Variants in TENM2 observed in about 807,000 individuals in gnomAD.
TENM2 encodes teneurin transmembrane protein 2.
In TENM2, 52 loss-of-function variants were observed where a neutral mutation model predicts 245.2. The observed-to-expected ratio is 0.21, with a 90% CI of 0.17 to 0.27. The LOEUF is 0.27. Among genes scored for constraint, TENM2 ranks in the 10% least tolerant of loss-of-function variants. The pLI is 1.00. For synonymous variants in TENM2, 1,363 were observed against 1,438.9 expected, an observed-to-expected ratio of 0.95 and a Z score of 1.19; for missense variants, 3,046 against 3,666.8, an observed-to-expected ratio of 0.83 and a Z score of 4.37.
At chr5:167,415,025 C>T (rs1763092994) in intron 2 of TENM2, among the ~76,000 whole-genome samples, 1 of 151,850 alleles carries the variant, frequency 6.6e-6, no homozygotes, top group East Asian at 1.9e-4. Flanking sequence ...GAGAAAAGCT[C>T]CTTTGCAAGT....
At chr5:168,216,829 T>G in exon 22 of TENM2, 1 of 1,614,014 alleles carries the variant, frequency 6.2e-7, no homozygotes, top group Non-Finnish European at 8.5e-7. Context: ...TCCGGAAGGT[T>G]GACCAGAATG....
In TENM2 at chr5:168,036,643, A is replaced by ATAT. The variant is rs1455605915; in HGVS notation, c.1187-10784_1187-10783insTAT. On this transcript the variant is annotated intron_variant, in intron 5 of 28. Coordinates refer to ENST00000518659, the Ensembl canonical transcript of TENM2. ...AAGAGCGAAACTCCATCAAAAAAAA[A>ATAT]ATATATATATATATATATATAATAT... 1.9e-4 allele frequency among the ~76,000 whole-genome samples: 14 copies of ATAT among 73,810 alleles called. No homozygotes were observed. In the South Asian group the frequency reaches 2.9e-3, roughly 15 times the overall value. 48.4% of individuals were successfully genotyped at this position (73,810 alleles called of 152,430 possible).
At chr5:167,336,290 C>T (rs1043681238) in intron 1 of TENM2, among the ~76,000 whole-genome samples, 3 of 147,428 alleles carry the variant, frequency 2.0e-5, no homozygotes, top group Non-Finnish European at 4.4e-5. Flanking sequence ...CTATAGCAAG[C>T]TGATCTCAAC....
At chr5:167,817,026 G>A (rs1416237996) in intron 2 of TENM2, among the ~76,000 whole-genome samples, 3 of 152,192 alleles carry the variant, frequency 2.0e-5, no homozygotes, top group African/African-American at 7.2e-5. Flanking sequence ...ACTTGATTTG[G>A]TTGATGTGTT....
chr5:167,226,114 T>G, the TENM2 span, among the ~76,000 whole-genome samples: 1 of 151,942 alleles, frequency 6.6e-6, no homozygotes, highest in Non-Finnish European at 1.5e-5. Context: ...CTTTTCACTT[T>G]TTTGATCATT....
the TENM2 span, among the ~76,000 whole-genome samples, chr5:167,105,584 A>G: frequency 1.2e-4 from 18 of 152,270 alleles, no homozygotes; most frequent in Non-Finnish European, 1.8e-4. Context: ...TTAGGATAAC[A>G]TATGATTTTT....
At chr5:168,058,106 C>T (rs561681084) in intron 6 of TENM2, among the ~76,000 whole-genome samples, 12 of 152,300 alleles carry the variant, frequency 7.9e-5, no homozygotes, top group Non-Finnish European at 1.3e-4. Flanking sequence ...CGGAGTTGTG[C>T]GCCTGTGCTC....
At chr5:167,248,518 G>A in the TENM2 span, among the ~76,000 whole-genome samples, 2 of 152,188 alleles carry the variant, frequency 1.3e-5, no homozygotes, top group South Asian at 4.2e-4. Flanking sequence ...CCGTGCTGCC[G>A]ATACTTGGAC....
intron 2 of TENM2, among the ~76,000 whole-genome samples, chr5:167,862,218 G>T (rs1771880743): frequency 6.6e-6 from 1 of 151,494 alleles, no homozygotes. Flanking sequence ...TATTAATTTT[G>T]CTGACTCTAG....
chr5:167,319,211 A>G (rs1756566863), intron 1 of TENM2, among the ~76,000 whole-genome samples: 1 of 152,226 alleles, frequency 6.6e-6, no homozygotes, highest in African/African-American at 2.4e-5. Flanking sequence ...TACTGCATGT[A>G]AAGTATATTG....
At chr5:167,289,765 G>A (rs1754530485) in intron 1 of TENM2, among the ~76,000 whole-genome samples, 1 of 152,156 alleles carries the variant, frequency 6.6e-6, no homozygotes, top group African/African-American at 2.4e-5. Flanking sequence ...AGTATTACCT[G>A]CAATGATTCA....
In TENM2 at chr5:167,294,727, C is replaced by T. The variant is rs115861102; in HGVS notation, c.226+9664C>T. Among the ~76,000 whole-genome samples, 1,187 of 152,208 alleles carry T rather than the reference C, an allele frequency of 7.8e-3. 15 individuals are homozygous for T. The highest frequency in any genetic ancestry group is 0.027 in the African/African-American group (1,137 of 41,524). On this transcript the variant is annotated intron_variant, in intron 1 of 28. Transcript: ENST00000518659. ...TTCTTTAGAATTTTGAATCAAGTGC[C>T]AGTCTATTCACATTTCAGTTTGCCA... is the stretch of plus-strand genomic sequence containing the variant.
chr5:167,829,940 C>A (rs1191928318), intron 2 of TENM2, among the ~76,000 whole-genome samples: 1 of 152,218 alleles, frequency 6.6e-6, no homozygotes, highest in Non-Finnish European at 1.5e-5. Flanking sequence ...ATTGCAGGTC[C>A]TTCAGCTCCT....
At chr5:167,559,969 G>A (rs1773482534) in intron 2 of TENM2, among the ~76,000 whole-genome samples, 1 of 152,062 alleles carries the variant, frequency 6.6e-6, no homozygotes, top group South Asian at 2.1e-4. Flanking sequence ...CACGACCAAG[G>A]CAATCCCCAC....
At chr5:167,314,249 A>G (rs1756217283) in intron 1 of TENM2, among the ~76,000 whole-genome samples, 1 of 152,258 alleles carries the variant, frequency 6.6e-6, no homozygotes, top group East Asian at 1.9e-4. Context: ...TAAATTCTTA[A>G]TTTTGTTAAG....
At chr5:167,186,136 C>G in the TENM2 span, among the ~76,000 whole-genome samples, 1 of 152,110 alleles carries the variant, frequency 6.6e-6, no homozygotes, top group Non-Finnish European at 1.5e-5. Flanking sequence ...TTCAATCAAC[C>G]CTTTTAAAGA....
chr5:167,420,175 G>T (rs1011184687), intron 2 of TENM2, among the ~76,000 whole-genome samples: 1 of 152,210 alleles, frequency 6.6e-6, no homozygotes, highest in African/African-American at 2.4e-5. Flanking sequence ...GCACGTGTCC[G>T]TGAAAAGTGG....
chr5:167,841,461 A>G (rs1769511838), intron 2 of TENM2, among the ~76,000 whole-genome samples: 1 of 152,174 alleles, frequency 6.6e-6, no homozygotes, highest in Non-Finnish European at 1.5e-5. Flanking sequence ...CCCCTTGTGT[A>G]TATATATGTG....
chr5:168,015,717 C>G (rs1785595437), intron 5 of TENM2, among the ~76,000 whole-genome samples: 1 of 152,178 alleles, frequency 6.6e-6, no homozygotes, highest in Non-Finnish European at 1.5e-5. Flanking sequence ...AGTCAGCAAA[C>G]AGCCATGAGA....
Sources: allele counts gnomAD v4.1 joint callset (sites outside exome capture counted in the v4.1 genomes callset), GRCh38; gene constraint gnomAD v4.1.1; transcripts MANE v1.5; gene names NCBI Gene and HGNC (gene_info 2026-07-23, HGNC 2026-07-21).